Variants in STXBP6 observed in about 807,000 individuals in gnomAD.
STXBP6 encodes syntaxin-binding protein 6.
Under a neutral mutation model 26.9 loss-of-function variants are expected in STXBP6, and 21 were observed. That is an observed-to-expected ratio of 0.78 (90% CI 0.55 to 1.12). The LOEUF (loss-of-function observed/expected upper bound fraction) is 1.12, where lower values mean the gene tolerates loss of function less well. Ranked by LOEUF, STXBP6 falls within the 50% of genes most tolerant of loss-of-function variation. The probability of loss-of-function intolerance (pLI) is 0.00; values close to 1 mark genes in which losing one functional copy is unlikely to be tolerated. For missense variants in STXBP6, 232 were observed against 257.9 expected, an observed-to-expected ratio of 0.90 and a Z score of 0.69; for synonymous variants, 97 against 92.6, an observed-to-expected ratio of 1.05 and a Z score of -0.27.
intron 3 of STXBP6, among the ~76,000 whole-genome samples, chr14:24,856,580 C>A (rs2069340023): frequency 1.3e-5 from 2 of 151,964 alleles, no homozygotes; most frequent in Non-Finnish European, 2.9e-5. Context: ...GATAACTATG[C>A]CATAAAATGT....
In STXBP6 at chr14:24,811,369, A is replaced by C. The variant is rs1019592445; in HGVS notation, c.*1340T>G. 1 of 152,218 alleles carries C rather than the reference A, an allele frequency of 6.6e-6. No homozygotes were observed. Among genetic ancestry groups the C allele is most frequent in the African/African-American group, 2.4e-5 (1 of 41,454 alleles). 9.4% of individuals were successfully genotyped at this position (152,218 alleles called of 1,614,324 possible). ...GGGTCCTGAAGATTCAGGCAGCTTA[A>C]AAATCAATGCGCTGCAGTGGTAGGC... On this transcript the variant is annotated 3_prime_UTR_variant, in exon 6 of 6. Transcript: ENST00000323944.
In STXBP6 at chr14:24,850,967, A is replaced by G. The variant is rs180911186; in HGVS notation, c.451+4969T>C. ...TTAATGAAAAAGAAAATGGGTTTGC[A>G]AAGAACCTACTTTGTGGTTCTAATA... On this transcript the variant is annotated intron_variant, in intron 4 of 5. Transcript: ENST00000323944. Among the ~76,000 whole-genome samples, 4 of 152,290 alleles carry G rather than the reference A, an allele frequency of 2.6e-5. No homozygotes were observed. In the East Asian group the frequency reaches 7.7e-4, roughly 29 times the overall value.
intron 4 of STXBP6, among the ~76,000 whole-genome samples, chr14:24,829,511 G>A (rs2068391065): frequency 6.6e-6 from 1 of 152,082 alleles, no homozygotes; most frequent in Admixed American, 6.6e-5. Context: ...AGTGTCCAAG[G>A]AATATAATCA....
chr14:24,999,731 A>C (rs1483592188), intron 1 of STXBP6, among the ~76,000 whole-genome samples: 1 of 152,174 alleles, frequency 6.6e-6, no homozygotes, highest in Non-Finnish European at 1.5e-5. Flanking sequence ...TATAGCTGAA[A>C]GAGTTGCAAT....
At chr14:24,950,610 T>C (rs1028691415) in intron 2 of STXBP6, among the ~76,000 whole-genome samples, 1 of 151,974 alleles carries the variant, frequency 6.6e-6, no homozygotes, top group Non-Finnish European at 1.5e-5. Flanking sequence ...TCTATTTATA[T>C]AAAGTTATTA....
chr14:24,841,439 T>C (rs755833277), intron 4 of STXBP6, among the ~76,000 whole-genome samples: 1 of 152,222 alleles, frequency 6.6e-6, no homozygotes, highest in Non-Finnish European at 1.5e-5. Context: ...AGTGTGGCAC[T>C]TGGTGATATT....
At chr14:24,833,679 T>C (rs138381996) in intron 4 of STXBP6, among the ~76,000 whole-genome samples, 1 of 152,344 alleles carries the variant, frequency 6.6e-6, no homozygotes, top group African/African-American at 2.4e-5. Context: ...ACATGGCAAA[T>C]AAAATTGCAG....
chr14:24,974,611 A>C, intron 2 of STXBP6, 54 bp downstream of exon 2: 2 of 1,464,806 alleles, frequency 1.4e-6, no homozygotes, highest in Non-Finnish European at 1.8e-6. Flanking sequence ...CCTCAGAATG[A>C]ACTGTTTTAA....
At chr14:25,037,235 C>T (rs891517641) in intron 1 of STXBP6, among the ~76,000 whole-genome samples, 2 of 152,156 alleles carry the variant, frequency 1.3e-5, no homozygotes, top group African/African-American at 4.8e-5. Flanking sequence ...GACAGAGGCC[C>T]GGAGAGCTCC....
chr14:24,904,658 C>G (rs1199287210), intron 2 of STXBP6, among the ~76,000 whole-genome samples: 1 of 152,016 alleles, frequency 6.6e-6, no homozygotes, highest in Non-Finnish European at 1.5e-5. Context: ...GGAAAGATAC[C>G]AGGAGTGCAT....
At chr14:25,018,302 G>A (rs2075195327) in intron 1 of STXBP6, among the ~76,000 whole-genome samples, 1 of 152,114 alleles carries the variant, frequency 6.6e-6, no homozygotes, top group South Asian at 2.1e-4. Flanking sequence ...AGGCAGCAAT[G>A]CACTAGACCC....
chr14:24,952,129 C>T (rs2073189995), intron 2 of STXBP6, among the ~76,000 whole-genome samples: 1 of 151,392 alleles, frequency 6.6e-6, no homozygotes, highest in Non-Finnish European at 1.5e-5. Context: ...TACAATATGA[C>T]TGTCCAATAG....
At chr14:24,897,057 T>C (rs2071016994) in intron 2 of STXBP6, among the ~76,000 whole-genome samples, 1 of 152,056 alleles carries the variant, frequency 6.6e-6, no homozygotes, top group Non-Finnish European at 1.5e-5. Context: ...TAATATCAGA[T>C]CTTAGGCCCA....
chr14:24,839,551 T>C (rs2068728424), intron 4 of STXBP6, among the ~76,000 whole-genome samples: 1 of 152,148 alleles, frequency 6.6e-6, no homozygotes, highest in Non-Finnish European at 1.5e-5. Flanking sequence ...GTTTGAATAA[T>C]CACATCTCTG....
chr14:24,953,015 C>G (rs1047938505), intron 2 of STXBP6, among the ~76,000 whole-genome samples: 34 of 152,172 alleles, frequency 2.2e-4, no homozygotes, highest in African/African-American at 8.0e-4. Context: ...ATGATGTCTT[C>G]TATACTTTCT....
chr14:24,987,980 GGAA>G (rs1285439578), intron 1 of STXBP6: 2 of 709,920 alleles, frequency 2.8e-6, no homozygotes, highest in African/African-American at 1.9e-5. Context: ...ATTCTAGTGG[GGAA>G]GAAGAACAAT....
At chr14:24,860,226 A>G (rs1486653035) in intron 2 of STXBP6, among the ~76,000 whole-genome samples, 1 of 152,198 alleles carries the variant, frequency 6.6e-6, no homozygotes. Context: ...GAGACCACTG[A>G]CCTTGCCTGT....
chr14:25,034,251 C>T (rs1361789666), intron 1 of STXBP6, among the ~76,000 whole-genome samples: 5 of 152,140 alleles, frequency 3.3e-5, no homozygotes, highest in Non-Finnish European at 7.4e-5. Context: ...ACCCCTAACA[C>T]CCCCACACAA....
chr14:24,891,965 G>A (rs748211377), intron 2 of STXBP6, among the ~76,000 whole-genome samples: 98 of 152,158 alleles, frequency 6.4e-4, no homozygotes, highest in Non-Finnish European at 1.3e-3. Flanking sequence ...CACATACCCT[G>A]GAAAGCCTTC....
Sources: gnomAD v4.1 joint callset for allele counts (sites outside exome capture counted in the v4.1 genomes callset) on GRCh38, gnomAD v4.1.1 for gene constraint, MANE v1.5 for transcripts, NCBI Gene and HGNC (gene_info 2026-07-23, HGNC 2026-07-21) for gene names.